The following SF3A1 variants were observed in gnomAD, a reference collection of about 807,000 sequenced individuals.
SF3A1 encodes the protein splicing factor 3a subunit 1, also known as SAP 114.
A neutral mutation model predicts 89.9 loss-of-function variants in SF3A1; 13 were observed. The ratio of observed to expected loss-of-function variants is 0.14; its 90% CI spans 0.09 to 0.23. SF3A1 has a LOEUF of 0.23. Ranked by LOEUF, SF3A1 falls within the 10% of genes least tolerant of loss-of-function variation. SF3A1 has a pLI of 1.00. For synonymous variants in SF3A1, 405 were observed against 374.4 expected (o/e 1.08, Z -0.94); for missense variants, 604 against 1,022.1 (o/e 0.59, Z 5.58).
In SF3A1 at chr22:30,346,479, T is replaced by C. The variant is rs141721771; in HGVS notation, c.226A>G (p.Ile76Val). ...AGAAAGTTGAACTTGGGGTTGTTGA[T>C]CTCGTTCTGTCGGATCCTAGCTTCA... ...EFEARIRQNE[I>V]NNPKFNFLNP... is the part of the protein sequence containing the mutation. The change falls in exon 3 of 16, where the codon ATC becomes GTC. Residue 76 changes from isoleucine (I) to valine (V), a missense_variant. Physicochemically the swap from Ile to Val is conservative, Grantham distance 29 (BLOSUM62 3). This residue lies in a region of SF3A1 where 162 missense variants were observed against 229.2 expected (regional missense o/e 0.71). Transcript: ENST00000215793. 3 of 1,614,110 alleles carry C rather than the reference T, an allele frequency of 1.9e-6. No individual in the cohort carries two copies. In the East Asian group the frequency reaches 6.7e-5, roughly 36 times the overall value.
chr22:30,333,156 A>T lies in SF3A1; in HGVS notation c.*1438T>A, dbSNP rs925940101. The T allele has an allele frequency of 1.3e-5, 2 of 152,230 alleles. No individual in the cohort carries two copies. The highest frequency in any genetic ancestry group is 1.5e-5 in the Non-Finnish European group (1 of 68,054). 9.4% of individuals were successfully genotyped at this position (152,230 alleles called of 1,614,324 possible). A position where few individuals can be genotyped will look rare whatever the true frequency, so the allele number is the denominator to read the frequency against. ...AGGCCAGAGGCAAATGTCAGACAGG[A>T]TAAGGGATGACATCCCATCAATCAA... is the stretch of plus-strand genomic sequence containing the variant. On this transcript the variant is annotated 3_prime_UTR_variant, in exon 16 of 16. Transcript: ENST00000215793.
chr22:30,352,391 C>T (rs1026042438), intron 2 of SF3A1, among the ~76,000 whole-genome samples: 7 of 152,118 alleles, frequency 4.6e-5, no homozygotes, highest in Non-Finnish European at 8.8e-5. Context: ...CCCATTCTAT[C>T]TGAGGTGGCG....
chr22:30,345,265 T>C (rs183624453), intron 3 of SF3A1, 75 bp from the exon 4 acceptor site: 9 of 1,369,072 alleles, frequency 6.6e-6, no homozygotes, highest in African/African-American at 4.3e-5. Flanking sequence ...GGAGGGGACA[T>C]GGGCATGCAC....
At chr22:30,346,609 A>G (rs1931429702) in intron 2 of SF3A1, 90 bp from the exon 3 acceptor site, 1 of 1,455,580 alleles carries the variant, frequency 6.9e-7, no homozygotes, top group Admixed American at 1.8e-5. Context: ...CCTTCTTGCC[A>G]CCACCCACTG....
At chr22:30,337,320 GC>G in intron 12 of SF3A1, 140 bp from the exon 13 acceptor site, 1 of 837,708 alleles carries the variant, frequency 1.2e-6, no homozygotes, top group Non-Finnish European at 1.8e-6. Flanking sequence ...AAGTCTGGCA[GC>G]CAGCAGGTTC....
At chr22:30,344,530 T>C (rs1174685305) in intron 4 of SF3A1, among the ~76,000 whole-genome samples, 2 of 152,142 alleles carry the variant, frequency 1.3e-5, no homozygotes, top group African/African-American at 2.4e-5. Context: ...TTCTCAAACA[T>C]GGGGGGAAAA....
chr22:30,353,474 C>T (rs567760604), intron 1 of SF3A1, among the ~76,000 whole-genome samples: 6 of 152,322 alleles, frequency 3.9e-5, no homozygotes, highest in East Asian at 1.9e-4. Context: ...AATAGCTAGA[C>T]GACCTTGGTG....
rs1225909516 is a variant in SF3A1 at position 30,342,261 on chromosome 22, A to G, written c.816T>C (p.Ala272=). 1 of 1,614,130 alleles carries G rather than the reference A, an allele frequency of 6.2e-7. No individual in the cohort carries two copies. The highest frequency in any genetic ancestry group is 8.5e-7 in the Non-Finnish European group (1 of 1,180,024). Residue 272 remains alanine (A), a synonymous_variant, in exon 6 of 16, where the codon GCT becomes GCC. Transcript: ENST00000215793. ...CCACAAAATCATGCCAGTCGATCTG[A>G]GCATAGGCCACCCGCTCCTTCTCCT... ...EEKEKERVAY[A]QIDWHDFVVV... is the part of the protein sequence containing the mutation.
intron 2 of SF3A1, among the ~76,000 whole-genome samples, chr22:30,349,022 A>G (rs1250617038): frequency 6.6e-6 from 1 of 152,248 alleles, no homozygotes; most frequent in African/African-American, 2.4e-5. Flanking sequence ...ACAGAAAAAG[A>G]CATGATTCTG....
intron 2 of SF3A1, among the ~76,000 whole-genome samples, chr22:30,346,733 T>C (rs1236546828): frequency 6.6e-6 from 1 of 152,156 alleles, no homozygotes; most frequent in African/African-American, 2.4e-5. Flanking sequence ...AGGGTTTCCC[T>C]GAACCCAGTC....
Position 30,340,677 on chromosome 22 carries a change from G to A in SF3A1, c.1189+18C>T. On this transcript the variant is annotated intron_variant, in intron 8 of 15. Transcript: ENST00000215793. ...ACTTCCTGGGCAGCCCGAGGGTTGG[G>A]AAGCAGGCCCTCCCTACCTTTGGGA... 2 of 1,500,312 alleles carry A rather than the reference G, an allele frequency of 1.3e-6. No homozygotes were observed. The highest frequency in any genetic ancestry group is 3.4e-5 in the Admixed American group (2 of 59,192). 92.9% of individuals were successfully genotyped at this position (1,500,312 alleles called of 1,614,324 possible).
intron 12 of SF3A1, 59 bp from the exon 13 acceptor site, chr22:30,337,239 C>A: frequency 2.0e-6 from 3 of 1,490,014 alleles, no homozygotes; most frequent in Non-Finnish European, 2.7e-6. Context: ...GGACTCAGGG[C>A]TGATGAGAAG....
chr22:30,350,312 ATAAAAAAAAT>A (rs1931550306), intron 2 of SF3A1, among the ~76,000 whole-genome samples: 4 of 149,418 alleles, frequency 2.7e-5, no homozygotes, highest in Admixed American at 6.7e-5. Context: ...ACTAAAAAAA[ATAAAAAAAAT>A]AAAAAAAAAA....
At chr22:30,345,257 A>C in intron 3 of SF3A1, 67 bp from the exon 4 acceptor site, 2 of 1,453,140 alleles carry the variant, frequency 1.4e-6, no homozygotes, top group Non-Finnish European at 1.9e-6. Context: ...AGGGGAGGGG[A>C]GGGGACATGG....
chr22:30,337,599 C>T, intron 12 of SF3A1, 91 bp downstream of exon 12: 3 of 745,968 alleles, frequency 4.0e-6, no homozygotes, highest in Non-Finnish European at 7.2e-6. Flanking sequence ...GCTGGAACAG[C>T]TGGCACTAGC....
At position 30,340,665 on chromosome 22, in the gene SF3A1, C is replaced by T. The variant is rs757196438; in HGVS notation, c.1189+30G>A. On this transcript the variant is annotated intron_variant, in intron 8 of 15. Transcript: ENST00000215793. ...AGGGCACACAGGACTTCCTGGGCAGCCCGAGGGTTGGGAAGCAGGCCCTCC... is the reference window on the plus strand; with the variant it reads ...AGGGCACACAGGACTTCCTGGGCAGTCCGAGGGTTGGGAAGCAGGCCCTCC... 5.0e-6 allele frequency: 7 copies of T among 1,401,812 alleles called. No homozygotes were observed. The South Asian group carries it at 8.1e-5, about 16-fold the overall frequency. The allele number at this position is 1,401,812 out of a possible 1,614,324, so 86.8% of individuals were successfully genotyped here. A position where few individuals can be genotyped will look rare whatever the true frequency, so the allele number is the denominator to read the frequency against.
intron 13 of SF3A1, among the ~76,000 whole-genome samples, chr22:30,336,811 CACT>C (rs1045857264): frequency 6.6e-6 from 1 of 152,210 alleles, no homozygotes; most frequent in African/African-American, 2.4e-5. Context: ...CCTCTGCCAC[CACT>C]ACCATCACCA....
intron 2 of SF3A1, among the ~76,000 whole-genome samples, chr22:30,349,580 TCA>T (rs1931523553): frequency 1.3e-5 from 2 of 152,086 alleles, no homozygotes; most frequent in South Asian, 4.2e-4. Context: ...CCACACTGGC[TCA>T]CAGATTTTAG....
chr22:30,355,819 C>T (rs1391870776), intron 1 of SF3A1, among the ~76,000 whole-genome samples: 1 of 107,962 alleles, frequency 9.3e-6, no homozygotes, highest in Non-Finnish European at 1.8e-5. Context: ...TCATGTTCCC[C>T]CCCCCCGCCC....
Sources: allele counts gnomAD v4.1 joint callset (sites outside exome capture counted in the v4.1 genomes callset), GRCh38; gene constraint gnomAD v4.1.1; regional missense constraint gnomAD v4.1.1; transcripts MANE v1.5; gene names NCBI Gene and HGNC (gene_info 2026-07-23, HGNC 2026-07-21).